Variants in APP observed in about 807,000 individuals in gnomAD.
APP encodes amyloid beta precursor protein.
A neutral mutation model predicts 101.4 loss-of-function variants in APP; 31 were observed. The observed-to-expected ratio is 0.31, with a 90% CI of 0.23 to 0.41. The LOEUF (loss-of-function observed/expected upper bound fraction) is 0.41, where lower values mean the gene tolerates loss of function less well. APP is among the 10% of genes least tolerant of loss of function. APP has a pLI of 1.00. For synonymous variants in APP, 366 were observed against 364.4 expected (o/e 1.00, Z -0.05); for missense variants, 839 against 1,003.7 (o/e 0.84, Z 2.22).
At chr21:25,909,717 A>C (rs1445675110) in intron 14 of APP, among the ~76,000 whole-genome samples, 2 of 152,214 alleles carry the variant, frequency 1.3e-5, no homozygotes, top group Admixed American at 6.5e-5. Context: ...TTTCACTAAA[A>C]ATTCTCATTA....
chr21:25,881,581 T>TG lies in APP; in HGVS notation c.*88_*89insC. 2 of 1,453,722 alleles carry TG rather than the reference T, an allele frequency of 1.4e-6. No individual in the cohort carries two copies. The highest frequency in any genetic ancestry group is 1.9e-6 in the Non-Finnish European group (2 of 1,038,312). 90.1% of individuals were successfully genotyped at this position (1,453,722 alleles called of 1,614,324 possible). A position where few individuals can be genotyped will look rare whatever the true frequency, so the allele number is the denominator to read the frequency against. ...TGAGTAAATCATAAAACGGGTTTGT[T>TG]TCTTCCCACATTATTCTATAAATGG... On this transcript the variant is annotated 3_prime_UTR_variant, in exon 18 of 18. Transcript: ENST00000346798.
At chr21:26,063,712 G>C (rs1490660673) in intron 3 of APP, among the ~76,000 whole-genome samples, 1 of 152,198 alleles carries the variant, frequency 6.6e-6, no homozygotes, top group Non-Finnish European at 1.5e-5. Flanking sequence ...GGAAAAAAGA[G>C]ACAAATCTCC....
chr21:26,002,032 G>A (rs117486071), intron 6 of APP, among the ~76,000 whole-genome samples: 2 of 152,228 alleles, frequency 1.3e-5, no homozygotes, highest in African/African-American at 4.8e-5. Flanking sequence ...GTTTCATCCT[G>A]TAAGAGTATT....
chr21:26,081,226 T>A (rs115943143), intron 3 of APP, among the ~76,000 whole-genome samples: 237 of 152,328 alleles, frequency 1.6e-3, no homozygotes, highest in African/African-American at 5.4e-3. Context: ...TACCCACATC[T>A]TCTTCTCATT....
intron 1 of APP, among the ~76,000 whole-genome samples, chr21:26,167,674 GTTAT>G (rs1193930069): frequency 6.6e-6 from 1 of 152,128 alleles, no homozygotes; most frequent in Non-Finnish European, 1.5e-5. Flanking sequence ...TGTTGATCAC[GTTAT>G]TTCTTTTTAA....
At chr21:25,952,689 C>T (rs2041141499) in intron 13 of APP, among the ~76,000 whole-genome samples, 1 of 152,088 alleles carries the variant, frequency 6.6e-6, no homozygotes. Flanking sequence ...ATAGTTATTA[C>T]CTATGCCACT....
chr21:26,125,296 T>C (rs1046601211), intron 1 of APP, among the ~76,000 whole-genome samples: 2 of 152,150 alleles, frequency 1.3e-5, no homozygotes, highest in Admixed American at 6.5e-5. Flanking sequence ...CTTTCTCTCT[T>C]AAAAAAACAT....
chr21:26,163,222 A>AGGG (rs2063531959), intron 1 of APP, among the ~76,000 whole-genome samples: 1 of 127,790 alleles, frequency 7.8e-6, no homozygotes, highest in Non-Finnish European at 1.5e-5. Context: ...CCTGGGTGAC[A>AGGG]CAGTAAAACT....
At chr21:25,918,749 G>C (rs541142950) in intron 13 of APP, among the ~76,000 whole-genome samples, 3 of 151,076 alleles carry the variant, frequency 2.0e-5, no homozygotes, top group Non-Finnish European at 4.4e-5. Context: ...GAATCGCGCT[G>C]ATTGCTAGCA....
At chr21:26,140,078 T>G in intron 1 of APP, 1 of 1,103,170 alleles carries the variant, frequency 9.1e-7, no homozygotes, top group Non-Finnish European at 1.3e-6. Context: ...TGAAAGATAT[T>G]ACTGTCTGAG....
chr21:26,171,113 G>A (rs1488673182), upstream of APP: 9 of 153,192 alleles, frequency 5.9e-5, no homozygotes, highest in African/African-American at 1.9e-4. Flanking sequence ...GTCCCCGTGA[G>A]CTTGAATCAT....
chr21:25,901,556 A>T (rs1401497390), intron 15 of APP, among the ~76,000 whole-genome samples: 1 of 152,048 alleles, frequency 6.6e-6, no homozygotes, highest in Non-Finnish European at 1.5e-5. Context: ...CATTAAGCAA[A>T]TCTTACTAAA....
chr21:25,899,018 G>A lies in APP; in HGVS notation c.1964-1345C>T, dbSNP rs138406633. Among the ~76,000 whole-genome samples, 19 of 152,298 alleles carry A rather than the reference G, an allele frequency of 1.2e-4. 1 individual carries two copies. The highest frequency in any genetic ancestry group is 1.9e-4 in the African/African-American group (8 of 41,568). ...ATCTGACAAAACCTAGGAAATCCAC[G>A]CTGGTTGTGACCTAGCACCATTTCC... On this transcript the variant is annotated intron_variant, in intron 15 of 17. Coordinates refer to ENST00000346798, the MANE Select transcript of APP (RefSeq NM_000484.4).
chr21:26,111,909 A>T, intron 2 of APP, 70 bp downstream of exon 2: 1 of 1,555,056 alleles, frequency 6.4e-7, no homozygotes, highest in South Asian at 1.1e-5. Context: ...GCAAAATACA[A>T]GAAGTTAAAT....
At chr21:26,142,756 G>C (rs187532732) in intron 1 of APP, among the ~76,000 whole-genome samples, 1 of 151,760 alleles carries the variant, frequency 6.6e-6, no homozygotes, top group Admixed American at 6.6e-5. Flanking sequence ...GCAGCAGACT[G>C]AGATCCTGTC....
intron 13 of APP, among the ~76,000 whole-genome samples, chr21:25,930,665 T>C (rs1490009617): frequency 6.6e-6 from 1 of 152,202 alleles, no homozygotes; most frequent in East Asian, 1.9e-4. Flanking sequence ...CTTGTATATA[T>C]GATAGCTCAT....
intron 6 of APP, among the ~76,000 whole-genome samples, chr21:26,011,516 G>A (rs1335617277): frequency 6.6e-6 from 1 of 152,064 alleles, no homozygotes; most frequent in African/African-American, 2.4e-5. Flanking sequence ...TGCTGGCATC[G>A]AGTAGAGGCT....
chr21:26,053,260 A>G lies in APP; in HGVS notation c.444T>C (p.Leu148=). 6.2e-7 allele frequency: 1 copy of G among 1,613,698 alleles called. No homozygotes were observed. ...CCTCTTTGGCGACGGTGTGCCAGTG[A>G]AGATGAGTTTCGCAAACATCCATCC... ...QERMDVCETH[L]HWHTVAKETC... is the part of the protein sequence containing the mutation. The change falls in exon 4 of 18, where the codon CTT becomes CTC. Residue 148 remains leucine (L), a synonymous_variant. Transcript: ENST00000346798.
intron 1 of APP, among the ~76,000 whole-genome samples, chr21:26,152,200 G>T (rs1009732700): frequency 1.4e-5 from 2 of 146,252 alleles, no homozygotes; most frequent in African/African-American, 5.2e-5. Context: ...CGGGAGAATG[G>T]CGTGAACCCG....
Sources: allele counts gnomAD v4.1 joint callset (sites outside exome capture counted in the v4.1 genomes callset), GRCh38; gene constraint gnomAD v4.1.1; transcripts MANE v1.5; gene names NCBI Gene and HGNC (gene_info 2026-07-23, HGNC 2026-07-21).